BOC: variants seen among roughly 807,000 people sequenced by gnomAD.
BOC encodes brother of CDO.
In BOC, 76 loss-of-function variants were observed where a neutral mutation model predicts 112.0. That is an observed-to-expected ratio of 0.68 (90% confidence interval 0.56 to 0.82). BOC has a LOEUF of 0.82. Ranked by LOEUF, BOC falls within the 40% of genes least tolerant of loss-of-function variation. The pLI is 0.00. For synonymous variants in BOC, 580 were observed against 599.8 expected (o/e 0.97, Z 0.48); for missense variants, 1,309 against 1,511.7 (o/e 0.87, Z 2.22).
chr3:113,243,454 G>T (rs1255376411), intron 2 of BOC, among the ~76,000 whole-genome samples: 6 of 152,178 alleles, frequency 3.9e-5, no homozygotes, highest in African/African-American at 1.4e-4. Flanking sequence ...GACAATCATG[G>T]TTAAGGAGTT....
chr3:113,263,127 A>C (rs1226163541), intron 4 of BOC, among the ~76,000 whole-genome samples: 1 of 152,228 alleles, frequency 6.6e-6, no homozygotes, highest in Non-Finnish European at 1.5e-5. Context: ...CCACAGGGAC[A>C]AGTTGAGGCT....
Position 113,278,044 on chromosome 3 carries a change from C to T in BOC, c.1543-51C>T, listed in dbSNP as rs1384443707. ...TGCTTTCTTTGTAAACCATAGCCCA[C>T]TCGTAGCCCGAGGCTGAGATGCCGG... On this transcript the variant is annotated intron_variant, in intron 9 of 19. Transcript: ENST00000682979. This position sits in a 1 kb window ranked among gnomAD's most constrained non-coding sequence, Gnocchi z 4.2. 60 of 1,604,026 alleles carry T rather than the reference C, an allele frequency of 3.7e-5. No homozygotes were observed. The East Asian group carries it at 1.3e-3, about 36-fold the overall frequency.
Position 113,274,123 on chromosome 3 carries a change from T to C in BOC, c.1235-252T>C, listed in dbSNP as rs773467373. Among the ~76,000 whole-genome samples, 3 of 151,824 alleles carry C rather than the reference T, an allele frequency of 2.0e-5. No homozygotes were observed. The highest frequency in any genetic ancestry group is 2.9e-5 in the Non-Finnish European group (2 of 67,948). On this transcript the variant is annotated intron_variant, in intron 8 of 19. Transcript: ENST00000682979. The surrounding 1 kb of genome is among the most constrained non-coding windows in gnomAD (Gnocchi z 4.8). ...GATGCACCTCACGTGGATTCAGGAGTTTGCTTGCCATACCCAAGCCACCCC... is the reference window on the plus strand; with the variant it reads ...GATGCACCTCACGTGGATTCAGGAGCTTGCTTGCCATACCCAAGCCACCCC...
chr3:113,285,329 C>T (rs1414530613), intron 18 of BOC, 43 bp from the exon 19 acceptor site: 2 of 1,593,222 alleles, frequency 1.3e-6, no homozygotes, highest in Admixed American at 1.7e-5. Context: ...GACAGGCCCA[C>T]CCTGCCCAGC....
At chr3:113,247,886 C>CGG (rs1277014761) in intron 2 of BOC, among the ~76,000 whole-genome samples, 1 of 152,214 alleles carries the variant, frequency 6.6e-6, no homozygotes, top group Admixed American at 6.5e-5. Context: ...TCTACACCAA[C>CGG]GGGAAATTAT....
At chr3:113,254,074 A>G (rs1945948330) in intron 4 of BOC, among the ~76,000 whole-genome samples, 1 of 152,196 alleles carries the variant, frequency 6.6e-6, no homozygotes. Context: ...ATTAGCCTTC[A>G]TTTTAAAAAT....
intron 2 of BOC, among the ~76,000 whole-genome samples, chr3:113,248,666 G>A (rs561668156): frequency 1.3e-5 from 2 of 152,328 alleles, no homozygotes; most frequent in South Asian, 4.1e-4. Flanking sequence ...TGTTTTGGCT[G>A]TGACAGAAGT....
intron 2 of BOC, among the ~76,000 whole-genome samples, chr3:113,223,368 C>A (rs766169381): frequency 3.3e-5 from 5 of 152,178 alleles, no homozygotes; most frequent in Non-Finnish European, 7.3e-5. Context: ...AATCACTTAA[C>A]CCCCACCAGG....
At chr3:113,248,515 C>T (rs976147265) in intron 2 of BOC, among the ~76,000 whole-genome samples, 3 of 152,172 alleles carry the variant, frequency 2.0e-5, no homozygotes, top group African/African-American at 7.2e-5. Flanking sequence ...AATGATCCAC[C>T]GTGCAGATCA....
At chr3:113,240,408 C>A (rs932101549) in intron 2 of BOC, among the ~76,000 whole-genome samples, 11 of 152,146 alleles carry the variant, frequency 7.2e-5, no homozygotes, top group African/African-American at 2.7e-4. Context: ...ACAGTAGGAG[C>A]CTTTTGCTTC....
Position 113,253,482 on chromosome 3 carries a change from G to T in BOC, c.376+2649G>T, listed in dbSNP as rs79947512. On this transcript the variant is annotated intron_variant, in intron 4 of 19. Transcript: ENST00000682979. ...TAGCTGTCTCGGAGGCGGGAGGACT[G>T]CTTGAGCCCAGGAGGCAAGGCTGGG... Among the ~76,000 whole-genome samples the T allele has an allele frequency of 4.9e-3, 739 of 151,930 alleles. 47 individuals carry two copies. The East Asian group carries it at 0.12, about 24-fold the overall frequency.
chr3:113,275,962 G>A (rs2107686605), intron 9 of BOC, among the ~76,000 whole-genome samples: 1 of 152,216 alleles, frequency 6.6e-6, no homozygotes, highest in East Asian at 1.9e-4. Context: ...AGGGGGACGG[G>A]GCGAGCAGTT....
At chr3:113,217,572 C>CT (rs1939683503) in intron 2 of BOC, among the ~76,000 whole-genome samples, 1 of 151,708 alleles carries the variant, frequency 6.6e-6, no homozygotes, top group East Asian at 1.9e-4. Context: ...AGGGAGAGGA[C>CT]TTCTTGAGAG....
chr3:113,280,308 G>A (rs1949072640), intron 13 of BOC, among the ~76,000 whole-genome samples: 1 of 152,036 alleles, frequency 6.6e-6, no homozygotes, highest in South Asian at 2.1e-4. Context: ...AGAAGCAATT[G>A]AAGTCTTTGG....
intron 4 of BOC, among the ~76,000 whole-genome samples, chr3:113,258,244 C>A (rs1946439811): frequency 6.6e-6 from 1 of 152,068 alleles, no homozygotes; most frequent in African/African-American, 2.4e-5. Flanking sequence ...CAGACCTAGG[C>A]CCAGTTCAGT....
rs16860782 is a variant in BOC, at chr3:113,279,945, A to G, written c.2145A>G (p.Ala715=). The G allele has an allele frequency of 1.1e-3, 1,784 of 1,613,894 alleles. 13 individuals carry two copies. In the African/African-American group the frequency reaches 0.021, roughly 19 times the overall value. ...YSGRVYERPV[A]GPYITFTDAV... ...GTCGCGTGTACGAGAGGCCCGTGGC[A>G]GGTCCTTATATCACCTTCACGGATG... The change falls in exon 13 of 20, where the codon GCA becomes GCG. Residue 715 remains alanine (A), a synonymous_variant. Coordinates refer to ENST00000682979, the MANE Select transcript of BOC (RefSeq NM_001378074.1).
intron 2 of BOC, among the ~76,000 whole-genome samples, chr3:113,231,103 C>G (rs1481421827): frequency 6.6e-6 from 1 of 151,998 alleles, no homozygotes; most frequent in Non-Finnish European, 1.5e-5. Context: ...GGGCAAGGAA[C>G]AACATTTTAT....
At chr3:113,267,685 G>C (rs1175044199) in intron 4 of BOC, among the ~76,000 whole-genome samples, 1 of 152,210 alleles carries the variant, frequency 6.6e-6, no homozygotes, top group Non-Finnish European at 1.5e-5. Flanking sequence ...GGAATCTCAG[G>C]CCTGTTACTT....
chr3:113,273,121 G>C lies in BOC; in HGVS notation c.1014G>C (p.Gln338His). The change falls in exon 8 of 20, where the codon CAG (glutamine) becomes CAC (histidine). Residue 338 changes from glutamine (Q) to histidine (H), a missense_variant. Coordinates refer to ENST00000682979, the MANE Select transcript of BOC (RefSeq NM_001378074.1). The stretch of plus-strand genomic sequence containing the variant: ...CCCAGCTGGTCATCCCCTGGGGCCA[G>C]AGTGCCAAGCTTACCTGTGAGGTGC... ...ELSQLVIPWG[Q>H]SAKLTCEVRG... The C allele has an allele frequency of 6.2e-7, 1 of 1,612,146 alleles. No homozygotes were observed. The highest frequency in any genetic ancestry group is 8.5e-7 in the Non-Finnish European group (1 of 1,178,410).
Sources: gnomAD v4.1 joint callset for allele counts (sites outside exome capture counted in the v4.1 genomes callset) on GRCh38, gnomAD v4.1.1 for gene constraint, Gnocchi (gnomAD v3.1) non-coding constraint, MANE v1.5 for transcripts, NCBI Gene and HGNC (gene_info 2026-07-23, HGNC 2026-07-21) for gene names.